KARS1: variants seen among roughly 807,000 people sequenced by gnomAD.
The protein encoded by KARS1 is lysine--tRNA ligase.
In KARS1, 50 loss-of-function variants were observed where a neutral mutation model predicts 63.9. The observed-to-expected ratio is 0.78, with a 90% CI of 0.62 to 0.99. KARS1 has a LOEUF of 0.99. KARS1 is among the 50% of genes least tolerant of loss of function. The pLI is 0.00. For missense variants in KARS1, 816 were observed against 754.5 expected (o/e 1.08, Z -0.95); for synonymous variants, 320 against 264.6 (o/e 1.21, Z -2.03).
At chr16:75,635,845 G>C (rs757751625) in intron 5 of KARS1, 40 bp from the exon 6 acceptor site, 5 of 1,614,100 alleles carry the variant, frequency 3.1e-6, no homozygotes, top group Admixed American at 3.3e-5. Context: ...TGGTATGTCT[G>C]ATCCAAAGGT....
In KARS1 at chr16:75,630,485, C is replaced by A; in HGVS notation, c.1362G>T (p.Val454=). The part of the protein sequence containing the change: ...LDKLVGEFLE[V]TCINPTFICD... ...AGATGAATGTAGGATTGATGCAAGTCACTTCCAGGAACTCCCCAACAAGCT... is the reference window on the plus strand; with the variant it reads ...AGATGAATGTAGGATTGATGCAAGTAACTTCCAGGAACTCCCCAACAAGCT... The change falls in exon 11 of 14, where the codon GTG becomes GTT. Residue 454 remains valine (V), a synonymous_variant. Transcript: ENST00000302445. The A allele has an allele frequency of 6.2e-7, 1 of 1,611,438 alleles. No individual in the cohort carries two copies. Among genetic ancestry groups the A allele is most frequent in the African/African-American group, 1.3e-5 (1 of 74,980 alleles).
chr16:75,641,690 T>C lies in KARS1; in HGVS notation c.96A>G (p.Lys32=), dbSNP rs1320508665. The C allele has an allele frequency of 2.5e-6, 4 of 1,614,034 alleles. No homozygotes were observed. Among genetic ancestry groups the C allele is most frequent in the Non-Finnish European group, 3.4e-6 (4 of 1,180,038 alleles). The change falls in exon 2 of 14, where the codon AAA becomes AAG. Residue 32 remains lysine, a synonymous_variant. Coordinates refer to ENST00000302445, the MANE Select transcript of KARS1 (RefSeq NM_005548.3). ...ELKRRLKAEK[K]VAEKEAKQKE... ...TCTGTTTGGCCTCCTTCTCTGCTAC[T>C]TTCTTCTCAGCTTTCAGGCGTCTCT...
intron 6 of KARS1, 165 bp downstream of exon 6, chr16:75,635,515 C>T: frequency 1.3e-6 from 1 of 797,364 alleles, no homozygotes; most frequent in Non-Finnish European, 2.1e-6. Context: ...TCCTGCCTTC[C>T]TAATCAGGAC....
Position 75,635,792 on chromosome 16 carries a change from C to T in KARS1, c.683G>A (p.Arg228His), listed in dbSNP as rs767476599. Residue 228 changes from arginine (R) to histidine (H), a missense_variant, in exon 6 of 14, where the codon CGC becomes CAC. Coordinates refer to ENST00000302445, the MANE Select transcript of KARS1 (RefSeq NM_005548.3). The stretch of plus-strand genomic sequence containing the variant: ...CAGGATCAAGTCCAAGTATCTCTGG[C>T]GATACCTTGTTTCCTAAACCAAAAG... ...FGLKDKETRY[R>H]QRYLDLILND... 16 of 1,614,124 alleles carry T rather than the reference C, an allele frequency of 9.9e-6. No individual in the cohort carries two copies. The highest frequency in any genetic ancestry group is 6.7e-5 in the Admixed American group (4 of 60,020).
chr16:75,639,958 T>C lies in KARS1; in HGVS notation c.388+226A>G, dbSNP rs962962361. ...TTCTTGCTGATGAAGGGAATCCTTA[T>C]AGAGAAAGCCCCTCTCTTTGTAGCA... On this transcript the variant is annotated intron_variant, in intron 3 of 13. Coordinates refer to ENST00000302445, the MANE Select transcript of KARS1 (RefSeq NM_005548.3). The C allele has an allele frequency of 7.0e-6, 4 of 569,970 alleles. No individual in the cohort carries two copies. In the East Asian group the frequency reaches 1.2e-4, roughly 17 times the overall value. The allele number at this position is 569,970 out of a possible 1,614,324, so 35.3% of individuals were successfully genotyped here.
intron 3 of KARS1, 50 bp from the exon 4 acceptor site, chr16:75,636,597 T>C (rs1412508866): frequency 8.2e-7 from 1 of 1,212,644 alleles, no homozygotes; most frequent in Non-Finnish European, 1.2e-6. Context: ...GAAGTCATTT[T>C]ATGGTATCAG....
At position 75,635,072 on chromosome 16, in the gene KARS1, T is replaced by C. The variant is rs574859377; in HGVS notation, c.795+608A>G. Among the ~76,000 whole-genome samples, 46 of 152,354 alleles carry C rather than the reference T, an allele frequency of 3.0e-4. 1 individual carries two copies. Among genetic ancestry groups the C allele is most frequent in the African/African-American group, 1.1e-3 (46 of 41,576 alleles). ...ATGCAGCATTAAGAAAGAGTATCTA[T>C]CTATCTCATACAAAGAGATCCAGAA... is the stretch of plus-strand genomic sequence containing the variant. On this transcript the variant is annotated intron_variant, in intron 6 of 13. Coordinates refer to ENST00000302445, the MANE Select transcript of KARS1 (RefSeq NM_005548.3).
intron 1 of KARS1, among the ~76,000 whole-genome samples, chr16:75,643,429 G>T (rs369658404): frequency 6.6e-6 from 1 of 150,692 alleles, no homozygotes; most frequent in Non-Finnish European, 1.5e-5. Context: ...CCAGGCTGGA[G>T]TGCAGTGGTG....
Position 75,636,433 on chromosome 16 carries a change from TA to T in KARS1, c.482+20del. The stretch of plus-strand genomic sequence containing the variant: ...CTCTAGGCCAACCAAGAAAGGTCTA[TA>T]ACTGGGTATTTCGAGATACCTGGAA... On this transcript the variant is annotated intron_variant, in intron 4 of 13. Coordinates refer to ENST00000302445, the MANE Select transcript of KARS1 (RefSeq NM_005548.3). 6.7e-7 allele frequency: 1 copy of T among 1,495,970 alleles called. No homozygotes were observed. The highest frequency in any genetic ancestry group is 9.3e-7 in the Non-Finnish European group (1 of 1,072,260). 92.7% of individuals were successfully genotyped at this position (1,495,970 alleles called of 1,614,324 possible).
At chr16:75,635,858 G>A in intron 5 of KARS1, 53 bp from the exon 6 acceptor site, 1 of 1,614,068 alleles carries the variant, frequency 6.2e-7, no homozygotes, top group East Asian at 2.2e-5. Flanking sequence ...CCAAAGGTAT[G>A]ATAAAACAAA....
chr16:75,631,436 G>A lies in KARS1; in HGVS notation c.1232C>T (p.Thr411Met), dbSNP rs768044754. 1.1e-5 allele frequency: 18 copies of A among 1,614,048 alleles called. No individual in the cohort carries two copies. Among genetic ancestry groups the A allele is most frequent in the Middle Eastern group, 1.6e-4 (1 of 6,084 alleles). ...EKALGMKLPE[T>M]NLFETEETRK... ...TTTACCTTCAGTTTCAAAGAGGTTC[G>A]TTTCTGGCAGCTTCATCCCCAGGGC... The change falls in exon 9 of 14, where the codon ACG (threonine) becomes ATG (methionine). Residue 411 changes from threonine to methionine, a missense_variant. Transcript: ENST00000302445.
At chr16:75,635,498 A>AGTCAG in intron 6 of KARS1, 182 bp downstream of exon 6, 1 of 697,472 alleles carries the variant, frequency 1.4e-6, no homozygotes, top group East Asian at 2.8e-5. Context: ...TTATCTTGGA[A>AGTCAG]GTCAGGTCCT....
chr16:75,634,096 C>A, intron 7 of KARS1, 77 bp downstream of exon 7: 1 of 1,490,738 alleles, frequency 6.7e-7, no homozygotes, highest in Non-Finnish European at 9.3e-7. Flanking sequence ...CCTCTTATTT[C>A]TGACTATACC....
chr16:75,638,986 G>A (rs62058713), intron 3 of KARS1, among the ~76,000 whole-genome samples: 35 of 151,820 alleles, frequency 2.3e-4, no homozygotes, highest in Admixed American at 2.3e-3. Context: ...TGGCCAACAT[G>A]GTGAAACTCC....
intron 2 of KARS1, among the ~76,000 whole-genome samples, chr16:75,640,669 T>TCGAGTCACTTA (rs1347289026): frequency 6.6e-6 from 1 of 152,176 alleles, no homozygotes; most frequent in African/African-American, 2.4e-5. Context: ...GCATGGTGAG[T>TCGAGTCACTTA]CGAGTCACTT....
At position 75,627,782 on chromosome 16, in the gene KARS1, G is replaced by A. The variant is rs1332718243; in HGVS notation, c.*113C>T. On this transcript the variant is annotated 3_prime_UTR_variant, in exon 14 of 14. Transcript: ENST00000302445. Reference sequence around the variant, plus strand: ...ATTCCTTGTCTCTCTTCTGATGGCTGAACAGAACTGCGGTGTCAAATGGAA... The same window carrying A: ...ATTCCTTGTCTCTCTTCTGATGGCTAAACAGAACTGCGGTGTCAAATGGAA... 2 of 770,878 alleles carry A rather than the reference G, an allele frequency of 2.6e-6. No homozygotes were observed. The highest frequency in any genetic ancestry group is 2.4e-6 in the Non-Finnish European group (1 of 417,146). The allele number at this position is 770,878 out of a possible 1,614,324, so 47.8% of individuals were successfully genotyped here.
chr16:75,635,635 G>A lies in KARS1; in HGVS notation c.795+45C>T, dbSNP rs770596600. The A allele has an allele frequency of 2.5e-6, 4 of 1,609,552 alleles. No homozygotes were observed. In the South Asian group the frequency reaches 4.4e-5, roughly 18 times the overall value. ...GAAGGCAAGGGAGAGGAGGAGGCAA[G>A]CATTGCAAGGCAGCTCATCACGTCA... On this transcript the variant is annotated intron_variant, in intron 6 of 13. Transcript: ENST00000302445.
intron 7 of KARS1, among the ~76,000 whole-genome samples, chr16:75,632,406 C>G (rs36091972): frequency 2.6e-5 from 4 of 152,206 alleles, no homozygotes; most frequent in African/African-American, 7.2e-5. Flanking sequence ...ATCATTGAGT[C>G]TGAACCTCCC....
intron 1 of KARS1, among the ~76,000 whole-genome samples, chr16:75,646,332 C>T (rs573575716): frequency 6.6e-6 from 1 of 152,042 alleles, no homozygotes; most frequent in Non-Finnish European, 1.5e-5. Context: ...CACAAGGTAA[C>T]GAGATTGAGA....
Sources: gnomAD v4.1 joint callset for allele counts (sites outside exome capture counted in the v4.1 genomes callset) on GRCh38, gnomAD v4.1.1 for gene constraint, MANE v1.5 for transcripts, NCBI Gene and HGNC (gene_info 2026-07-23, HGNC 2026-07-21) for gene names.